PCNT: variants seen among roughly 807,000 people sequenced by gnomAD.
The protein encoded by PCNT is pericentrin, also known as kendrin.
A neutral mutation model predicts 380.4 loss-of-function variants in PCNT; 319 were observed. That is an observed-to-expected ratio of 0.84 (90% CI 0.77 to 0.92). The LOEUF is 0.92. Among genes scored for constraint, PCNT ranks in the 40% least tolerant of loss-of-function variants. PCNT has a pLI of 0.00. For synonymous variants in PCNT, 1,845 were observed against 1,735.2 expected, an observed-to-expected ratio of 1.06 and a Z score of -1.57; for missense variants, 4,400 against 4,255.3, an observed-to-expected ratio of 1.03 and a Z score of -0.95.
chr21:46,431,253 A>G (rs1601187281), intron 37 of PCNT: 2 of 1,313,696 alleles, frequency 1.5e-6, no homozygotes, highest in East Asian at 3.5e-5. Flanking sequence ...GGCAGGGGAC[A>G]TCTCTGAATC....
chr21:46,443,235 T>A (rs2053658111), intron 44 of PCNT: 1 of 162,702 alleles, frequency 6.1e-6, no homozygotes, highest in Non-Finnish European at 1.3e-5. Flanking sequence ...TGTTGTTTTT[T>A]AAGAGACGGG....
chr21:46,381,882 G>C, intron 16 of PCNT, 42 bp downstream of exon 16: 2 of 1,606,248 alleles, frequency 1.2e-6, no homozygotes, highest in Non-Finnish European at 1.7e-6. Context: ...GACGTGTATA[G>C]CATAAAAATC....
chr21:46,366,538 T>C, intron 14 of PCNT, 46 bp from the exon 15 acceptor site: 1 of 1,531,586 alleles, frequency 6.5e-7, no homozygotes, highest in Non-Finnish European at 9.0e-7. Context: ...GGGTCATTGC[T>C]TCCTGATGCA....
intron 1 of PCNT, chr21:46,324,718 C>CG (rs1209091226): frequency 2.1e-5 from 5 of 234,102 alleles, no homozygotes; most frequent in Non-Finnish European, 3.5e-5. Flanking sequence ...CCGCGTCCTC[C>CG]GGGACCGGGT....
chr21:46,390,560 G>C, intron 19 of PCNT, 110 bp from the exon 20 acceptor site: 1 of 1,169,144 alleles, frequency 8.6e-7, no homozygotes, highest in South Asian at 1.2e-5. Flanking sequence ...GCCCTGCCTG[G>C]GTGGTGACGG....
At chr21:46,350,544 A>G (rs2084229233) in intron 8 of PCNT, among the ~76,000 whole-genome samples, 1 of 152,236 alleles carries the variant, frequency 6.6e-6, no homozygotes, top group Admixed American at 6.5e-5. Flanking sequence ...GAGTATCCCA[A>G]GAATCAGTTG....
rs114461209 is a variant in PCNT at position 46,352,225 on chromosome 21, T to C, written c.1456+685T>C. On this transcript the variant is annotated intron_variant, in intron 9 of 46. Coordinates refer to ENST00000359568, the MANE Select transcript of PCNT (RefSeq NM_006031.6). ...AACTTGTCCTTGTGGGTGGTGGGAT[T>C]TGAAGCAAAGAGCACTTAGGAGAAA... is the stretch of plus-strand genomic sequence containing the variant. 3.1e-3 allele frequency among the ~76,000 whole-genome samples: 469 copies of C among 152,326 alleles called. 1 individual carries two copies. Among genetic ancestry groups the C allele is most frequent in the African/African-American group, 0.01 (423 of 41,578 alleles).
chr21:46,401,774 G>A, intron 26 of PCNT, 53 bp downstream of exon 26: 1 of 1,574,460 alleles, frequency 6.4e-7, no homozygotes. Flanking sequence ...GTGTCCAGTG[G>A]GCTTCTCTGT....
intron 40 of PCNT, among the ~76,000 whole-genome samples, chr21:46,437,875 G>A (rs1444217142): frequency 1.3e-5 from 2 of 152,152 alleles, no homozygotes; most frequent in Non-Finnish European, 1.5e-5. Flanking sequence ...CTTCACATCC[G>A]CCCCCTTGGG....
At chr21:46,394,644 A>G (rs1006845176) in intron 21 of PCNT, 7 of 305,390 alleles carry the variant, frequency 2.3e-5, no homozygotes, top group African/African-American at 1.6e-4. Flanking sequence ...GTGGCAAACA[A>G]TAAATACAGC....
rs8128866 is a variant in PCNT at position 46,425,790 on chromosome 21, G to T, written c.7180-41G>T. 1.1e-3 allele frequency: 1,776 copies of T among 1,611,298 alleles called. 17 individuals carry two copies. The African/African-American group carries it at 0.021, about 19-fold the overall frequency. On this transcript the variant is annotated intron_variant, in intron 32 of 46. Transcript: ENST00000359568. This position sits in a 1 kb window ranked among gnomAD's most constrained non-coding sequence, Gnocchi z 4.2. ...GGTGGTGTAGAGCGTGGCTGTGTGG[G>T]GTGGCAGGCAACTCCCTTCTGACGC...
Position 46,412,807 on chromosome 21 carries a change from G to T in PCNT, c.5995-30G>T, listed in dbSNP as rs1481338822. On this transcript the variant is annotated intron_variant, in intron 28 of 46. Transcript: ENST00000359568. ...CAGCCCCAGCAACAGCCTCCTGCATGCTCAGCTTTCCTCTGTCTCCTCTGT... is the reference window on the plus strand; with the variant it reads ...CAGCCCCAGCAACAGCCTCCTGCATTCTCAGCTTTCCTCTGTCTCCTCTGT... The T allele has an allele frequency of 1.9e-6, 3 of 1,607,108 alleles. No individual in the cohort carries two copies. The Admixed American group carries it at 5.0e-5, about 27-fold the overall frequency.
At chr21:46,347,623 C>G in intron 6 of PCNT, 111 bp downstream of exon 6, 1 of 969,798 alleles carries the variant, frequency 1.0e-6, no homozygotes, top group South Asian at 1.3e-5. Context: ...CCAGTCGAGG[C>G]TTTATTAGAA....
intron 15 of PCNT, among the ~76,000 whole-genome samples, chr21:46,371,039 A>AAT (rs1223837283): frequency 6.6e-6 from 1 of 151,970 alleles, no homozygotes; most frequent in East Asian, 1.9e-4. Context: ...CGTCTCAAAA[A>AAT]ATATATATAT....
chr21:46,369,141 C>T (rs1261862656), intron 15 of PCNT, among the ~76,000 whole-genome samples: 2 of 152,264 alleles, frequency 1.3e-5, no homozygotes, highest in Non-Finnish European at 2.9e-5. Flanking sequence ...TCCCTCTGCT[C>T]TCCTGAGTAA....
chr21:46,397,370 C>T lies in PCNT; in HGVS notation c.4322C>T (p.Ser1441Phe). 1 of 1,614,110 alleles carries T rather than the reference C, an allele frequency of 6.2e-7. No individual in the cohort carries two copies. Among genetic ancestry groups the T allele is most frequent in the African/African-American group, 1.3e-5 (1 of 75,048 alleles). The change falls in exon 22 of 47, where the codon TCT (serine) becomes TTT (phenylalanine). Residue 1441 changes from serine to phenylalanine, a missense_variant. By Grantham distance (155) the Ser-to-Phe change is radical. Transcript: ENST00000359568. ...ALLSQMKILESELEEQLSQHR... is the reference protein window; with the variant it reads ...ALLSQMKILEFELEEQLSQHR... ...CTCTCCCAGATGAAGATTTTGGAGT[C>T]TGAGTTAGAAGAACAGCTGTCTCAG... is the stretch of plus-strand genomic sequence containing the variant.
chr21:46,442,901 T>C (rs1340382756), intron 44 of PCNT: 3 of 381,784 alleles, frequency 7.9e-6, no homozygotes, highest in Non-Finnish European at 1.5e-5. Context: ...CACGTCTCTT[T>C]CCTTGTAGAG....
rs780681503 is a variant in PCNT, at chr21:46,349,686, G to A, written c.1210G>A (p.Ala404Thr). Reference protein sequence around the residue: ...IFQDKNQAERALRNLESHHQA... With the variant: ...IFQDKNQAERTLRNLESHHQA... ...GTGCCATTGCTTTACCTTTCTAGGG[G>A]CCCTTAGGAACCTGGAGAGTCATCA... The change falls in exon 8 of 47, where the codon GCC (alanine) becomes ACC (threonine). Residue 404 changes from alanine to threonine, a missense_variant and splice_region_variant. Ala to Thr is a moderately conservative substitution (Grantham distance 58). Coordinates refer to ENST00000359568, the MANE Select transcript of PCNT (RefSeq NM_006031.6). 2.5e-6 allele frequency: 4 copies of A among 1,613,996 alleles called. No homozygotes were observed. The South Asian group carries it at 3.3e-5, about 13-fold the overall frequency.
chr21:46,404,709 G>A (rs1317967632), intron 27 of PCNT, among the ~76,000 whole-genome samples: 1 of 152,126 alleles, frequency 6.6e-6, no homozygotes, highest in East Asian at 1.9e-4. Context: ...CAGCACTTTG[G>A]GAGACTGAGG....
Sources: allele counts gnomAD v4.1 joint callset (sites outside exome capture counted in the v4.1 genomes callset), GRCh38; gene constraint gnomAD v4.1.1; non-coding constraint Gnocchi (gnomAD v3.1); transcripts MANE v1.5; gene names NCBI Gene and HGNC (gene_info 2026-07-23, HGNC 2026-07-21).